MATK: variants seen among roughly 807,000 people sequenced by gnomAD.
The protein encoded by MATK is megakaryocyte-associated tyrosine-protein kinase.
In MATK, 41 loss-of-function variants were observed where a neutral mutation model predicts 59.8. The observed-to-expected ratio is 0.69, with a 90% CI of 0.53 to 0.89. The LOEUF (loss-of-function observed/expected upper bound fraction) is 0.89. Among genes scored for constraint, MATK ranks in the 40% least tolerant of loss-of-function variants. MATK has a pLI of 0.00. For synonymous variants in MATK, 308 were observed against 306.1 expected, an observed-to-expected ratio of 1.01 and a Z score of -0.06; for missense variants, 593 against 719.6, an observed-to-expected ratio of 0.82 and a Z score of 2.01.
chr19:3,783,587 G>T (rs74541557), intron 6 of MATK, among the ~76,000 whole-genome samples: 23,412 of 152,004 alleles, frequency 0.15, 2,300 homozygotes, highest in Non-Finnish European at 0.22. Context: ...GGGCCTGGGG[G>T]TGCCTGGGGG....
In MATK at chr19:3,796,577, C is replaced by T. The variant is rs184868123; in HGVS notation, c.-58+4955G>A. Among the ~76,000 whole-genome samples, 7 of 152,188 alleles carry T rather than the reference C, an allele frequency of 4.6e-5. No individual in the cohort carries two copies. The East Asian group carries it at 1.4e-3, about 29-fold the overall frequency. On this transcript the variant is annotated intron_variant, in intron 1 of 13. Coordinates refer to the MATK transcript ENST00000395045. ...TTATTTCCCTGGAGTTAGTCATCGC[C>T]TTGGTTTTATGTGTCTGTGACTCTT... is the stretch of plus-strand genomic sequence containing the variant.
Position 3,781,688 on chromosome 19 carries a change from C to G in MATK, c.677-16G>C. 1 of 1,610,294 alleles carries G rather than the reference C, an allele frequency of 6.2e-7. No individual in the cohort carries two copies. The highest frequency in any genetic ancestry group is 8.5e-7 in the Non-Finnish European group (1 of 1,178,212). On this transcript the variant is annotated splice_polypyrimidine_tract_variant and intron_variant, in intron 7 of 13. Transcript: ENST00000310132. Reference sequence around the variant, plus strand: ...AACCAGCCCGCTGTGGAGTGAAGACCCAGTCAGAGGGGTAATGGGCCCCCT... The same window carrying G: ...AACCAGCCCGCTGTGGAGTGAAGACGCAGTCAGAGGGGTAATGGGCCCCCT...
chr19:3,795,699 T>C (rs2037587207), intron 1 of MATK, among the ~76,000 whole-genome samples: 1 of 151,366 alleles, frequency 6.6e-6, no homozygotes, highest in South Asian at 2.1e-4. Flanking sequence ...CCTCAGACTG[T>C]AGTTTGCTCT....
Position 3,783,834 on chromosome 19 carries a change from T to G in MATK, c.562A>C (p.Asn188His), listed in dbSNP as rs1370673543. Residue 188 changes from asparagine to histidine, a missense_variant, in exon 6 of 14, where the codon AAC (asparagine) becomes CAC (histidine). Physicochemically the swap from Asn to His is moderately conservative, Grantham distance 68. Coordinates refer to ENST00000310132, the MANE Select transcript of MATK (RefSeq NM_139355.3). ...AGCACCTCCACCATGTCCATGAGGT[T>G]GCAGAAGAACACGGCCTCATCGATT... ...LTIDEAVFFC[N>H]LMDMVEHYSK... is the part of the protein sequence containing the mutation. 6.2e-7 allele frequency: 1 copy of G among 1,612,368 alleles called. No homozygotes were observed. Among genetic ancestry groups the G allele is most frequent in the Non-Finnish European group, 8.5e-7 (1 of 1,179,420 alleles).
rs199896635 is a variant in MATK at position 3,792,679 on chromosome 19, G to A, written c.-57-3275C>T. ...CAGGTACCTGCCAGCCACCATGCCC[G>A]GCTAATTTTTGTATTTTTAGTAGAG... On this transcript the variant is annotated intron_variant, in intron 1 of 13. Coordinates refer to the MATK transcript ENST00000395045. Among the ~76,000 whole-genome samples, 165 of 151,966 alleles carry A rather than the reference G, an allele frequency of 1.1e-3. 1 individual carries two copies. The East Asian group carries it at 0.021, about 19-fold the overall frequency.
At chr19:3,784,791 C>T (rs764643973) in intron 3 of MATK, 34 bp downstream of exon 3, 48 of 1,521,808 alleles carry the variant, frequency 3.2e-5, no homozygotes, top group South Asian at 1.1e-4. Context: ...AAGAAGGACC[C>T]GGGGAGCAGA....
At position 3,783,906 on chromosome 19, in the gene MATK, G is replaced by T. The variant is rs200227296; in HGVS notation, c.490C>A (p.Arg164Ser). 2.5e-6 allele frequency: 4 copies of T among 1,612,868 alleles called. No individual in the cohort carries two copies. Among genetic ancestry groups the T allele is most frequent in the African/African-American group, 2.7e-5 (2 of 74,908 alleles). Residue 164 changes from arginine to serine, a missense_variant, in exon 6 of 14, where the codon CGC becomes AGC. Arg to Ser is a moderately radical substitution (Grantham distance 110, BLOSUM62 -1). Transcript: ENST00000310132. ...GDYVLCVSFG[R>S]DVIHYRVLHR... Reference sequence around the variant, plus strand: ...AGCACGCGGTAGTGGATGACGTCGCGGCCAAAGCTCACGCACAGGACGTAG... The same window carrying T: ...AGCACGCGGTAGTGGATGACGTCGCTGCCAAAGCTCACGCACAGGACGTAG...
chr19:3,778,475 C>T (rs545463059), intron 13 of MATK, 34 bp downstream of exon 13: 9 of 1,613,720 alleles, frequency 5.6e-6, no homozygotes, highest in East Asian at 2.2e-5. Flanking sequence ...TGGACCTGCC[C>T]GGAACCCAGT....
chr19:3,784,612 G>A, intron 3 of MATK, 161 bp from the exon 4 acceptor site: 1 of 652,068 alleles, frequency 1.5e-6, no homozygotes, highest in South Asian at 1.8e-5. Context: ...AAAGAAAGGG[G>A]GAGTGGGGTG....
At position 3,778,055 on chromosome 19, in the gene MATK, C is replaced by G; in HGVS notation, c.*128G>C. On this transcript the variant is annotated 3_prime_UTR_variant, in exon 14 of 14. Transcript: ENST00000310132. ...GGCCGCCCAGAGCCCCCTACGTGGG[C>G]CAGCCCCTGCTGTGGGCACCAGGAG... 18 of 1,380,864 alleles carry G rather than the reference C, an allele frequency of 1.3e-5. No homozygotes were observed. Among genetic ancestry groups the G allele is most frequent in the Non-Finnish European group, 1.7e-5 (18 of 1,047,218 alleles). 85.5% of individuals were successfully genotyped at this position (1,380,864 alleles called of 1,614,324 possible).
At chr19:3,801,379 A>G (rs1207512391) in intron 1 of MATK, among the ~76,000 whole-genome samples, 1 of 151,326 alleles carries the variant, frequency 6.6e-6, no homozygotes, top group Non-Finnish European at 1.5e-5. Context: ...GGGCCGGGGG[A>G]CTCAGGGCAT....
rs1041475245 is a variant in MATK at position 3,779,035 on chromosome 19, C to T, written c.1154G>A (p.Arg385Gln). The T allele has an allele frequency of 2.5e-6, 4 of 1,586,358 alleles. No individual in the cohort carries two copies. Among genetic ancestry groups the T allele is most frequent in the African/African-American group, 1.3e-5 (1 of 74,132 alleles). ...GGGCGCCGTCCACTTGACGGGCAGC[C>T]GGCTTGAGTCTAGCCCCTTCCGCTC... ...KAERKGLDSS[R>Q]LPVKWTAPEA... The change falls in exon 12 of 14, where the codon CGG (arginine) becomes CAG (glutamine). Residue 385 changes from arginine (R) to glutamine (Q), a missense_variant. Transcript: ENST00000310132.
intron 9 of MATK, 36 bp from the exon 10 acceptor site, chr19:3,779,653 G>A: frequency 1.2e-6 from 2 of 1,610,240 alleles, no homozygotes; most frequent in South Asian, 1.1e-5. Context: ...GGCAGGGCTG[G>A]GACCCCCCCC....
At chr19:3,790,139 A>ACCT (rs577995729), upstream of MATK, among the ~76,000 whole-genome samples, 677 of 152,256 alleles carry the variant, frequency 4.4e-3, 4 homozygotes, top group African/African-American at 0.015. Flanking sequence ...TGACCTCCTG[A>ACCT]CCAAGAATTA....
In MATK at chr19:3,779,136, G is replaced by A. The variant is rs1477179432; in HGVS notation, c.1053C>T (p.Arg351=). The stretch of plus-strand genomic sequence containing the variant: ...CCAGGATGTTGCGGGCGGCCAGGTC[G>A]CGGTGCACAAGCTTCTTGCTCTCCA... The part of the protein sequence containing the change: ...EYLESKKLVH[R]DLAARNILVS... Residue 351 remains arginine, a synonymous_variant, in exon 12 of 14, where the codon CGC becomes CGT. Transcript: ENST00000310132. 10 of 1,608,502 alleles carry A rather than the reference G, an allele frequency of 6.2e-6. No individual in the cohort carries two copies. In the East Asian group the frequency reaches 1.6e-4, roughly 25 times the overall value.
upstream of MATK, chr19:3,787,687 C>T (rs965602777): frequency 2.0e-5 from 3 of 151,904 alleles, no homozygotes; most frequent in African/African-American, 7.3e-5. Flanking sequence ...CGCCTTGCAC[C>T]TTATCATCCT....
intron 8 of MATK, among the ~76,000 whole-genome samples, chr19:3,780,639 A>T (rs1487099021): frequency 7.0e-6 from 1 of 142,234 alleles, no homozygotes; most frequent in Non-Finnish European, 1.5e-5. Flanking sequence ...TCACCATGTT[A>T]GCCAGGATGG....
In MATK at chr19:3,781,560, G is replaced by A. The variant is rs766826961; in HGVS notation, c.742+47C>T. 1.1e-5 allele frequency: 18 copies of A among 1,592,380 alleles called. No individual in the cohort carries two copies. The Admixed American group carries it at 2.3e-4, about 21-fold the overall frequency. ...CTCTGTGACTCCAAAGCCTCAATACGCACCTCCCATCTTCCTTCAGCACCC... is the reference window on the plus strand; with the variant it reads ...CTCTGTGACTCCAAAGCCTCAATACACACCTCCCATCTTCCTTCAGCACCC... On this transcript the variant is annotated intron_variant, in intron 8 of 13. Coordinates refer to ENST00000310132, the MANE Select transcript of MATK (RefSeq NM_139355.3).
At chr19:3,784,635 T>C in intron 3 of MATK, 184 bp from the exon 4 acceptor site, 1 of 655,428 alleles carries the variant, frequency 1.5e-6, no homozygotes, top group East Asian at 2.7e-5. Flanking sequence ...CAGAGAGAAA[T>C]CGTAGAGTCA....
Sources: gnomAD v4.1 joint callset for allele counts (sites outside exome capture counted in the v4.1 genomes callset) on GRCh38, gnomAD v4.1.1 for gene constraint, MANE v1.5 for transcripts, NCBI Gene and HGNC (gene_info 2026-07-23, HGNC 2026-07-21) for gene names.